Variants in COL24A1 observed in about 807,000 individuals in gnomAD.
The protein encoded by COL24A1 is collagen type XXIV alpha 1 chain.
COL24A1 carries 224 observed loss-of-function variants against 253.9 expected under a neutral mutation model. The observed-to-expected ratio is 0.88, with a 90% CI of 0.79 to 0.99. The LOEUF (loss-of-function observed/expected upper bound fraction) is 0.99. Ranked by LOEUF, COL24A1 falls within the 50% of genes least tolerant of loss-of-function variation. The pLI is 0.00. For missense variants in COL24A1, 2,131 were observed against 2,068.5 expected (o/e 1.03, Z -0.59); for synonymous variants, 685 against 673.7 (o/e 1.02, Z -0.26).
chr1:86,134,031 G>A lies in COL24A1; in HGVS notation c.122-7817C>T, dbSNP rs1407370900. On this transcript the variant is annotated intron_variant, in intron 2 of 59. Transcript: ENST00000370571. Reference sequence around the variant, plus strand: ...AATTATTGCCTCAATTTCAGAGCCTGTTATTGGTCTATGAAGAGATTCAAC... The same window carrying A: ...AATTATTGCCTCAATTTCAGAGCCTATTATTGGTCTATGAAGAGATTCAAC... 9.2e-5 allele frequency among the ~76,000 whole-genome samples: 14 copies of A among 152,170 alleles called. No homozygotes were observed. The South Asian group carries it at 2.9e-3, about 32-fold the overall frequency.
At chr1:85,996,956 C>T (rs1694851249) in intron 19 of COL24A1, among the ~76,000 whole-genome samples, 3 of 151,366 alleles carry the variant, frequency 2.0e-5, no homozygotes. Context: ...TATGGTCACT[C>T]TATGTTGTTT....
chr1:86,151,388 A>C (rs1428215292), intron 1 of COL24A1, among the ~76,000 whole-genome samples: 1 of 152,174 alleles, frequency 6.6e-6, no homozygotes, highest in African/African-American at 2.4e-5. Context: ...CAGACATTTA[A>C]CAAAATCAGA....
At chr1:85,787,516 T>C (rs186749631) in intron 47 of COL24A1, among the ~76,000 whole-genome samples, 1 of 152,304 alleles carries the variant, frequency 6.6e-6, no homozygotes, top group African/African-American at 2.4e-5. Context: ...TCCAGCTCCA[T>C]CTATATCCCT....
In COL24A1 at chr1:85,729,910, A is replaced by G. The variant is rs1663313775; in HGVS notation, c.*636T>C. On this transcript the variant is annotated 3_prime_UTR_variant, in exon 60 of 60. Transcript: ENST00000370571. Reference sequence around the variant, plus strand: ...GTGTGTGACCAAACAAATTAAAATAAGTACTAACAACCAAAACATATCTTG... The same window carrying G: ...GTGTGTGACCAAACAAATTAAAATAGGTACTAACAACCAAAACATATCTTG... 1 of 152,660 alleles carries G rather than the reference A, an allele frequency of 6.6e-6. No individual in the cohort carries two copies. The highest frequency in any genetic ancestry group is 6.5e-5 in the Admixed American group (1 of 15,282). 9.5% of individuals were successfully genotyped at this position (152,660 alleles called of 1,614,324 possible). A position where few individuals can be genotyped will look rare whatever the true frequency, so the allele number is the denominator to read the frequency against.
intron 37 of COL24A1, among the ~76,000 whole-genome samples, chr1:85,858,297 C>T (rs752572640): frequency 6.6e-6 from 1 of 152,236 alleles, no homozygotes; most frequent in African/African-American, 2.4e-5. Context: ...AACCTCTTAT[C>T]ATGGTCTATA....
rs1685347935 is a variant in COL24A1 at position 85,911,376 on chromosome 1, T to C, written c.2616+4A>G. 6.2e-7 allele frequency: 1 copy of C among 1,610,194 alleles called. No individual in the cohort carries two copies. The highest frequency in any genetic ancestry group is 8.5e-7 in the Non-Finnish European group (1 of 1,178,038). On this transcript the variant is annotated splice_donor_region_variant and intron_variant, in intron 25 of 59. Transcript: ENST00000370571. ...ATAAAACAAAATAATTCTTAAAAAA[T>C]TACCTTTTCGCCAATGCTTCCAGTC...
At chr1:86,012,480 C>G (rs1629358) in intron 19 of COL24A1, among the ~76,000 whole-genome samples, 1 of 151,886 alleles carries the variant, frequency 6.6e-6, no homozygotes, top group African/African-American at 2.4e-5. Flanking sequence ...TCCCAGCTAC[C>G]TGGGAGGCTG....
In COL24A1 at chr1:85,808,438, A is replaced by G. The variant is rs969547689; in HGVS notation, c.3951+8350T>C. ...GGCAACAACAGCTACTGACCTAGCA[A>G]AAATATTTCCTATCCACATTCTTAT... On this transcript the variant is annotated intron_variant, in intron 47 of 59. Transcript: ENST00000370571. Among the ~76,000 whole-genome samples the G allele has an allele frequency of 1.1e-4, 17 of 152,354 alleles. No homozygotes were observed. The South Asian group carries it at 1.7e-3, about 15-fold the overall frequency.
intron 35 of COL24A1, among the ~76,000 whole-genome samples, chr1:85,869,926 C>G (rs1471389178): frequency 1.3e-5 from 2 of 152,124 alleles, no homozygotes; most frequent in African/African-American, 4.8e-5. Flanking sequence ...AGTCAAGACC[C>G]ATCAGTGTGC....
intron 19 of COL24A1, among the ~76,000 whole-genome samples, chr1:85,995,001 T>C (rs537423930): frequency 6.0e-4 from 91 of 152,310 alleles, no homozygotes; most frequent in African/African-American, 2.1e-3. Flanking sequence ...TCTATGTATT[T>C]GAGCAGAAAA....
At chr1:85,817,726 T>G (rs1201521210) in intron 46 of COL24A1, among the ~76,000 whole-genome samples, 1 of 152,190 alleles carries the variant, frequency 6.6e-6, no homozygotes, top group Non-Finnish European at 1.5e-5. Context: ...TCACCATTCA[T>G]TTTGTTACGA....
At chr1:85,961,716 A>T (rs1691084273) in intron 23 of COL24A1, among the ~76,000 whole-genome samples, 2 of 152,218 alleles carry the variant, frequency 1.3e-5, no homozygotes, top group South Asian at 2.1e-4. Context: ...GGGAGGCCTC[A>T]GGAAGCTTAC....
At chr1:86,028,701 T>A (rs1698274244) in intron 14 of COL24A1, among the ~76,000 whole-genome samples, 1 of 152,250 alleles carries the variant, frequency 6.6e-6, no homozygotes, top group Non-Finnish European at 1.5e-5. Flanking sequence ...CTGTAGAATC[T>A]CTTCCCATGA....
At chr1:86,074,624 A>G (rs1238348774) in intron 7 of COL24A1, among the ~76,000 whole-genome samples, 1 of 152,144 alleles carries the variant, frequency 6.6e-6, no homozygotes, top group African/African-American at 2.4e-5. Context: ...ACATCTACAG[A>G]ACTCTGCACC....
At chr1:85,771,492 A>T (rs1317929585) in intron 53 of COL24A1, among the ~76,000 whole-genome samples, 1 of 152,160 alleles carries the variant, frequency 6.6e-6, no homozygotes, top group African/African-American at 2.4e-5. Flanking sequence ...TTCTTAATCC[A>T]GTCTACTACT....
At chr1:85,924,544 A>C (rs1686954596) in intron 24 of COL24A1, among the ~76,000 whole-genome samples, 1 of 152,216 alleles carries the variant, frequency 6.6e-6, no homozygotes, top group Admixed American at 6.5e-5. Flanking sequence ...ATAATCCATC[A>C]CATAAACAGA....
chr1:85,773,890 A>C (rs1225993171), intron 53 of COL24A1, among the ~76,000 whole-genome samples: 2 of 152,182 alleles, frequency 1.3e-5, no homozygotes, highest in Admixed American at 6.5e-5. Flanking sequence ...TTCCCTGGCC[A>C]GAACTTCCAA....
chr1:85,773,068 A>G (rs1364399902), intron 53 of COL24A1, among the ~76,000 whole-genome samples: 1 of 152,152 alleles, frequency 6.6e-6, no homozygotes, highest in East Asian at 1.9e-4. Context: ...GAAGGGGTCC[A>G]GTTTCAGTTT....
intron 19 of COL24A1, among the ~76,000 whole-genome samples, chr1:86,002,206 G>GGGATGTCAGTCACAT (rs1368087247): frequency 4.6e-5 from 7 of 152,224 alleles, no homozygotes; most frequent in African/African-American, 1.7e-4. Context: ...CACATTGTGT[G>GGGATGTCAGTCACAT]TGGGGGGATG....
Sources: allele counts gnomAD v4.1 joint callset (sites outside exome capture counted in the v4.1 genomes callset), GRCh38; gene constraint gnomAD v4.1.1; transcripts MANE v1.5; gene names NCBI Gene and HGNC (gene_info 2026-07-23, HGNC 2026-07-21).